The following NUP62CL variants were observed in gnomAD, a reference collection of about 807,000 sequenced individuals.
NUP62CL encodes the protein nucleoporin 62 C-terminal like, also known as nucleoporin-62 C-terminal-like protein.
NUP62CL carries 13 observed loss-of-function variants against 15.3 expected under a neutral mutation model. That is an observed-to-expected ratio of 0.85 (90% CI 0.55 to 1.35). The LOEUF is 1.35. Ranked by LOEUF, NUP62CL falls within the 40% of genes most tolerant of loss-of-function variation. The pLI is 0.00. For synonymous variants in NUP62CL, 54 were observed against 49.2 expected (o/e 1.10, Z -0.41); for missense variants, 123 against 130.6 (o/e 0.94, Z 0.28).
At chrX:107,138,388 G>A (rs1264603137) in intron 8 of NUP62CL, among the ~76,000 whole-genome samples, 1 of 111,797 alleles carries the variant, frequency 8.9e-6, no homozygotes, top group Non-Finnish European at 1.9e-5. Flanking sequence ...GCTACAGACT[G>A]CGAGAAAATA....
At chrX:107,154,539 C>T (rs190621140) in intron 4 of NUP62CL, among the ~76,000 whole-genome samples, 171 of 111,973 alleles carry the variant, frequency 1.5e-3, no homozygotes, top group African/African-American at 5.3e-3. Context: ...TTCTCTTCCC[C>T]TCATCCCAGC....
chrX:107,130,618 T>C lies in NUP62CL; in HGVS notation c.*43-6286A>G, dbSNP rs1925492458. Among the ~76,000 whole-genome samples the C allele has an allele frequency of 2.7e-5, 3 of 111,277 alleles. No individual in the cohort carries two copies. The South Asian group carries it at 1.1e-3, about 42-fold the overall frequency. ...TAAGAATGCTATAGAAGACAGACCA[T>C]AGCCGAGCAGCAGATCAAGAAAGCA... On this transcript the variant is annotated intron_variant, in intron 8 of 8. Transcript: ENST00000372466.
chrX:107,143,019 T>C (rs1465678494), intron 8 of NUP62CL, among the ~76,000 whole-genome samples: 1 of 111,425 alleles, frequency 9.0e-6, no homozygotes, highest in African/African-American at 3.3e-5. Flanking sequence ...TAAAAACTGG[T>C]CATTACCTAC....
At chrX:107,151,979 G>A (rs187428826) in intron 7 of NUP62CL, among the ~76,000 whole-genome samples, 5,252 of 97,801 alleles carry the variant, frequency 0.054, 197 homozygotes, top group Non-Finnish European at 0.086. Flanking sequence ...GCAGTGAGCC[G>A]AGATCGTGCC....
At chrX:107,160,291 C>T (rs1173080981) in intron 4 of NUP62CL, among the ~76,000 whole-genome samples, 1 of 105,711 alleles carries the variant, frequency 9.5e-6, no homozygotes, top group Admixed American at 1.0e-4. Flanking sequence ...CTTTAAAGTT[C>T]ATATGGAACC....
chrX:107,204,919 T>A (rs866726347), intron 1 of NUP62CL, among the ~76,000 whole-genome samples: 1 of 88,184 alleles, frequency 1.1e-5, no homozygotes, highest in African/African-American at 5.0e-5. Flanking sequence ...TTAAATAAAT[T>A]ATTTATTTAA....
chrX:107,204,549 AAACT>A (rs1255120852), intron 1 of NUP62CL, among the ~76,000 whole-genome samples: 1 of 110,390 alleles, frequency 9.1e-6, no homozygotes, highest in Admixed American at 9.8e-5. Context: ...CCCAAGAAGA[AAACT>A]AATATTCACT....
chrX:107,161,821 TA>T (rs1422113797), intron 4 of NUP62CL, among the ~76,000 whole-genome samples: 6 of 72,495 alleles, frequency 8.3e-5, no homozygotes, highest in South Asian at 7.0e-4. Context: ...AAAAAAAATT[TA>T]AAAAAAATGA....
intron 2 of NUP62CL, among the ~76,000 whole-genome samples, chrX:107,189,922 A>AAAGGAAGG (rs1927192474): frequency 3.7e-5 from 4 of 107,308 alleles, no homozygotes; most frequent in African/African-American, 1.4e-4. Context: ...AGAAAGAAAG[A>AAAGGAAGG]AAGAAAGAAA....
intron 7 of NUP62CL, among the ~76,000 whole-genome samples, chrX:107,151,649 A>G (rs1372531067): frequency 9.0e-6 from 1 of 110,629 alleles, no homozygotes; most frequent in African/African-American, 3.3e-5. Context: ...TGTAGGTAAC[A>G]ACTATCTACT....
intron 2 of NUP62CL, among the ~76,000 whole-genome samples, chrX:107,178,198 G>T (rs1266453749): frequency 9.0e-6 from 1 of 111,611 alleles, no homozygotes; most frequent in Non-Finnish European, 1.9e-5. Context: ...GGAGGAATGG[G>T]CAATGACTGC....
chrX:107,203,347 G>C (rs376474328), intron 1 of NUP62CL, among the ~76,000 whole-genome samples: 4 of 107,377 alleles, frequency 3.7e-5, no homozygotes, highest in African/African-American at 1.4e-4. Flanking sequence ...ATGCTCAAGC[G>C]ATCCTCTCAC....
chrX:107,146,070 T>C (rs996222882), intron 8 of NUP62CL, among the ~76,000 whole-genome samples: 4 of 112,013 alleles, frequency 3.6e-5, no homozygotes, highest in Admixed American at 2.8e-4. Context: ...ATACTTCTTA[T>C]CATGTCAGAT....
At chrX:107,161,047 GC>G (rs1305888547) in intron 4 of NUP62CL, among the ~76,000 whole-genome samples, 2 of 111,479 alleles carry the variant, frequency 1.8e-5, no homozygotes, top group African/African-American at 6.5e-5. Flanking sequence ...ATCATCACTG[GC>G]CATCAGAGAA....
chrX:107,169,134 C>A (rs929776304), intron 3 of NUP62CL, among the ~76,000 whole-genome samples: 3 of 111,291 alleles, frequency 2.7e-5, no homozygotes, highest in Non-Finnish European at 5.6e-5. Context: ...TGACTCTAGG[C>A]AGATACTGGG....
intron 8 of NUP62CL, chrX:107,131,836 A>C (rs1018754162): frequency 4.3e-5 from 46 of 1,059,105 alleles, no homozygotes; most frequent in Non-Finnish European, 5.9e-5. Context: ...GTATGAAGAC[A>C]CTCTTGGGAC....
chrX:107,202,974 CAAAAA>C, intron 1 of NUP62CL, among the ~76,000 whole-genome samples: 1 of 54,253 alleles, frequency 1.8e-5, no homozygotes. Context: ...CAGACCGTCT[CAAAAA>C]AAAAAAAAAA....
intron 8 of NUP62CL, among the ~76,000 whole-genome samples, chrX:107,128,564 T>C (rs1458073986): frequency 8.9e-6 from 1 of 111,926 alleles, no homozygotes; most frequent in Non-Finnish European, 1.9e-5. Flanking sequence ...AACTGCAATA[T>C]TATATGATAA....
chrX:107,142,974 A>G (rs966216772), intron 8 of NUP62CL, among the ~76,000 whole-genome samples: 1 of 111,996 alleles, frequency 8.9e-6, no homozygotes, highest in African/African-American at 3.2e-5. Flanking sequence ...AAAAAGGCAT[A>G]GTTAATGTTA....
Sources: allele counts gnomAD v4.1 joint callset (sites outside exome capture counted in the v4.1 genomes callset), GRCh38; gene constraint gnomAD v4.1.1; transcripts MANE v1.5; gene names NCBI Gene and HGNC (gene_info 2026-07-23, HGNC 2026-07-21).